Variants in PPFIA2 observed in about 807,000 individuals in gnomAD.
PPFIA2 encodes PPFI scaffold protein A2.
PPFIA2 carries 46 observed loss-of-function variants against 175.5 expected under a neutral mutation model. The ratio of observed to expected loss-of-function variants is 0.26; its 90% CI spans 0.21 to 0.34. The LOEUF (loss-of-function observed/expected upper bound fraction) is 0.34. PPFIA2 is among the 10% of genes least tolerant of loss of function. PPFIA2 has a pLI of 1.00. For missense variants in PPFIA2, 1,179 were observed against 1,506.1 expected, an observed-to-expected ratio of 0.78 and a Z score of 3.60; for synonymous variants, 568 against 511.4, an observed-to-expected ratio of 1.11 and a Z score of -1.49.
chr12:81,374,783 G>C lies in PPFIA2; in HGVS notation c.1132-15C>G. 1 of 1,608,124 alleles carries C rather than the reference G, an allele frequency of 6.2e-7. No individual in the cohort carries two copies. The highest frequency in any genetic ancestry group is 8.5e-7 in the Non-Finnish European group (1 of 1,176,558). On this transcript the variant is annotated splice_polypyrimidine_tract_variant and intron_variant, in intron 10 of 32. Transcript: ENST00000549396. ...TTCTCTTCCATCTGAAATGGGAATG[G>C]GAGCAGAGACACTTAAAGAGTCAGA...
intron 4 of PPFIA2, among the ~76,000 whole-genome samples, chr12:81,581,276 G>T (rs1329626292): frequency 2.0e-5 from 3 of 151,534 alleles, no homozygotes; most frequent in South Asian, 2.1e-4. Context: ...AAGACCAGCA[G>T]ATCACAGCAT....
intron 27 of PPFIA2, among the ~76,000 whole-genome samples, chr12:81,278,819 G>A (rs754931388): frequency 6.6e-6 from 1 of 152,164 alleles, no homozygotes; most frequent in African/African-American, 2.4e-5. Flanking sequence ...GATTATCAGT[G>A]ATACTTTACA....
intron 4 of PPFIA2, among the ~76,000 whole-genome samples, chr12:81,666,584 G>A (rs1275731315): frequency 6.6e-6 from 1 of 152,206 alleles, no homozygotes; most frequent in East Asian, 1.9e-4. Flanking sequence ...ACACAGGAAG[G>A]GGAACATCAC....
At chr12:81,650,363 A>T (rs1376797634) in intron 4 of PPFIA2, among the ~76,000 whole-genome samples, 1 of 152,084 alleles carries the variant, frequency 6.6e-6, no homozygotes, top group East Asian at 1.9e-4. Flanking sequence ...GTACCTGAGT[A>T]AAAAAATTAA....
chr12:81,276,482 TA>T, intron 28 of PPFIA2, among the ~76,000 whole-genome samples: 1 of 152,096 alleles, frequency 6.6e-6, no homozygotes, highest in South Asian at 2.1e-4. Flanking sequence ...ACAACAACAA[TA>T]ATAAAAATAG....
At chr12:81,488,121 CT>C (rs1346042776) in intron 4 of PPFIA2, among the ~76,000 whole-genome samples, 1 of 151,766 alleles carries the variant, frequency 6.6e-6, no homozygotes, top group Non-Finnish European at 1.5e-5. Context: ...GTTTGATGGT[CT>C]ATATTTCATT....
At chr12:81,416,742 G>T (rs889049235) in intron 7 of PPFIA2, among the ~76,000 whole-genome samples, 2 of 151,602 alleles carry the variant, frequency 1.3e-5, no homozygotes, top group African/African-American at 4.8e-5. Flanking sequence ...TGCTAACTTG[G>T]TTTAGTTTCA....
intron 4 of PPFIA2, among the ~76,000 whole-genome samples, chr12:81,655,135 A>G (rs982327049): frequency 1.3e-5 from 2 of 152,066 alleles, no homozygotes; most frequent in Non-Finnish European, 2.9e-5. Flanking sequence ...GATTGTCTGT[A>G]GGACCTATAG....
chr12:81,346,159 C>A (rs1339340637), intron 18 of PPFIA2, among the ~76,000 whole-genome samples: 1 of 152,054 alleles, frequency 6.6e-6, no homozygotes, highest in East Asian at 1.9e-4. Context: ...CATAATTTTA[C>A]CTCCATAAAC....
At chr12:81,311,732 C>CAAAAAAAAAA (rs1050904857) in intron 22 of PPFIA2, among the ~76,000 whole-genome samples, 2 of 48,382 alleles carry the variant, frequency 4.1e-5, no homozygotes, top group East Asian at 5.3e-4. Context: ...GACTCTGTCT[C>CAAAAAAAAAA]AAAAAAAAAA....
At chr12:81,515,024 T>A (rs1172206386) in intron 4 of PPFIA2, among the ~76,000 whole-genome samples, 1 of 151,980 alleles carries the variant, frequency 6.6e-6, no homozygotes, top group African/African-American at 2.4e-5. Context: ...AAAATAAATT[T>A]AATGAGAGAG....
intron 4 of PPFIA2, among the ~76,000 whole-genome samples, chr12:81,537,737 A>G (rs144666488): frequency 5.9e-5 from 9 of 151,766 alleles, no homozygotes; most frequent in Non-Finnish European, 1.5e-5. Context: ...CGTTTTACCA[A>G]TTTTTCCAGG....
intron 17 of PPFIA2, among the ~76,000 whole-genome samples, chr12:81,352,579 T>C (rs747753843): frequency 2.0e-5 from 3 of 151,842 alleles, no homozygotes; most frequent in African/African-American, 2.4e-5. Context: ...AAACTGTTAA[T>C]GTTAATAAAC....
chr12:81,629,389 C>T (rs1310260617), intron 4 of PPFIA2, among the ~76,000 whole-genome samples: 1 of 152,132 alleles, frequency 6.6e-6, no homozygotes, highest in Non-Finnish European at 1.5e-5. Context: ...GTCTTTTTAA[C>T]AGTTAGAAAC....
intron 14 of PPFIA2, among the ~76,000 whole-genome samples, chr12:81,364,232 G>T (rs1366201436): frequency 1.3e-5 from 2 of 151,786 alleles, no homozygotes; most frequent in Non-Finnish European, 2.9e-5. Context: ...GATTGCAGAG[G>T]TTAAATTGAC....
At chr12:81,674,280 GA>G (rs1425948923) in intron 4 of PPFIA2, among the ~76,000 whole-genome samples, 2 of 151,854 alleles carry the variant, frequency 1.3e-5, no homozygotes, top group Non-Finnish European at 2.9e-5. Flanking sequence ...TTCAATAAAT[GA>G]AAAAATATAA....
At chr12:81,442,270 T>A (rs1335930907) in intron 6 of PPFIA2, among the ~76,000 whole-genome samples, 1 of 152,038 alleles carries the variant, frequency 6.6e-6, no homozygotes, top group Non-Finnish European at 1.5e-5. Context: ...CTGAATATAT[T>A]TTGAGTTATG....
chr12:81,413,272 G>GA (rs144222730), intron 7 of PPFIA2, among the ~76,000 whole-genome samples: 8 of 151,426 alleles, frequency 5.3e-5, no homozygotes, highest in African/African-American at 1.5e-4. Context: ...CTACATGAAT[G>GA]AAAAAAAAGC....
chr12:81,513,611 T>C (rs1285606651), intron 4 of PPFIA2, among the ~76,000 whole-genome samples: 1 of 152,004 alleles, frequency 6.6e-6, no homozygotes, highest in Non-Finnish European at 1.5e-5. Context: ...TCCTCTTTCC[T>C]CTAATGTTGA....
Sources: allele counts gnomAD v4.1 joint callset (sites outside exome capture counted in the v4.1 genomes callset), GRCh38; gene constraint gnomAD v4.1.1; transcripts MANE v1.5; gene names NCBI Gene and HGNC (gene_info 2026-07-23, HGNC 2026-07-21).